Variants in FAF1 observed in about 807,000 individuals in gnomAD.
FAF1 encodes FAS-associated factor 1.
In FAF1, 25 loss-of-function variants were observed where a neutral mutation model predicts 92.5. That is an observed-to-expected ratio of 0.27 (90% confidence interval 0.20 to 0.38). The LOEUF (loss-of-function observed/expected upper bound fraction) is 0.38. Ranked by LOEUF, FAF1 falls within the 10% of genes least tolerant of loss-of-function variation. FAF1 has a pLI of 1.00. For synonymous variants in FAF1, 234 were observed against 273.2 expected, an observed-to-expected ratio of 0.86 and a Z score of 1.42; for missense variants, 636 against 793.3, an observed-to-expected ratio of 0.80 and a Z score of 2.38.
chr1:50,807,356 G>C (rs1662245525), intron 2 of FAF1, among the ~76,000 whole-genome samples: 1 of 152,208 alleles, frequency 6.6e-6, no homozygotes, highest in African/African-American at 2.4e-5. Context: ...AGGCATGGCT[G>C]GGAAGTCCTC....
intron 6 of FAF1, among the ~76,000 whole-genome samples, chr1:50,713,172 A>C (rs1483193756): frequency 6.6e-6 from 1 of 151,128 alleles, no homozygotes; most frequent in Non-Finnish European, 1.5e-5. Flanking sequence ...AAAAAAAAAA[A>C]AAAAAAGTTC....
intron 1 of FAF1, among the ~76,000 whole-genome samples, chr1:50,948,365 C>T (rs748943593): frequency 4.6e-5 from 7 of 152,132 alleles, no homozygotes; most frequent in Non-Finnish European, 1.0e-4. Context: ...ATGGTGCCAG[C>T]ATCCGCTAGC....
In FAF1 at chr1:50,437,744, C is replaced by G. The variant is rs900777567; in HGVS notation, c.*3696G>C. On this transcript the variant is annotated 3_prime_UTR_variant, in exon 19 of 19. Transcript: ENST00000396153. ...AATATAAAATTTAGAGATTCTTGGC[C>G]GGGCGCCGTGGCTCACGCCTGTAAC... The G allele has an allele frequency of 2.0e-5, 3 of 151,860 alleles. No homozygotes were observed. The highest frequency in any genetic ancestry group is 7.3e-5 in the African/African-American group (3 of 41,310). The allele number at this position is 151,860 out of a possible 1,614,324, so 9.4% of individuals were successfully genotyped here.
At chr1:50,757,269 T>C (rs1451853873) in intron 4 of FAF1, among the ~76,000 whole-genome samples, 3 of 152,244 alleles carry the variant, frequency 2.0e-5, no homozygotes, top group Non-Finnish European at 4.4e-5. Context: ...TTCTATGCTG[T>C]TCAGATTTTT....
chr1:50,663,102 CA>C (rs1196915866), intron 7 of FAF1, among the ~76,000 whole-genome samples: 1 of 151,358 alleles, frequency 6.6e-6, no homozygotes, highest in Non-Finnish European at 1.5e-5. Flanking sequence ...ACATATTTCA[CA>C]AATTAAAAAG....
At chr1:50,713,155 CAAAAA>C (rs371395514) in intron 6 of FAF1, among the ~76,000 whole-genome samples, 1 of 46,530 alleles carries the variant, frequency 2.1e-5, no homozygotes, top group Non-Finnish European at 4.2e-5. Flanking sequence ...GCCAGACCCT[CAAAAA>C]AAAAAAAAAA....
intron 2 of FAF1, among the ~76,000 whole-genome samples, chr1:50,849,834 G>A (rs1230415077): frequency 6.6e-6 from 1 of 152,168 alleles, no homozygotes; most frequent in Admixed American, 6.5e-5. Context: ...ACTAGTCATG[G>A]CTTTATTAAA....
intron 14 of FAF1, among the ~76,000 whole-genome samples, chr1:50,536,598 C>G (rs757168651): frequency 1.1e-4 from 17 of 152,124 alleles, no homozygotes; most frequent in Non-Finnish European, 2.2e-4. Flanking sequence ...AAGAAATGAT[C>G]TAATTTGTTC....
At chr1:50,666,657 C>T (rs897423147) in intron 7 of FAF1, among the ~76,000 whole-genome samples, 1 of 152,036 alleles carries the variant, frequency 6.6e-6, no homozygotes, top group Admixed American at 6.6e-5. Context: ...CTGAGGTGGG[C>T]GGATCACCTG....
chr1:50,841,973 T>C (rs896265707), intron 2 of FAF1, among the ~76,000 whole-genome samples: 4 of 152,090 alleles, frequency 2.6e-5, no homozygotes, highest in African/African-American at 9.6e-5. Flanking sequence ...GCTGGATCAT[T>C]ACATTTCCAA....
chr1:50,549,513 C>T (rs1649195362), intron 13 of FAF1, among the ~76,000 whole-genome samples: 1 of 152,076 alleles, frequency 6.6e-6, no homozygotes, highest in South Asian at 2.1e-4. Context: ...GGCATGGTGG[C>T]TCACGACTGT....
At chr1:50,570,860 C>T (rs2149058817) in intron 12 of FAF1, among the ~76,000 whole-genome samples, 1 of 152,174 alleles carries the variant, frequency 6.6e-6, no homozygotes, top group African/African-American at 2.4e-5. Context: ...TAAGCACAGG[C>T]CAAAAGAGTG....
chr1:50,540,847 C>CAA, intron 13 of FAF1, among the ~76,000 whole-genome samples: 1 of 152,182 alleles, frequency 6.6e-6, no homozygotes, highest in South Asian at 2.1e-4. Flanking sequence ...TCACAAAAGG[C>CAA]AAAACAGTGG....
intron 15 of FAF1, among the ~76,000 whole-genome samples, chr1:50,498,351 C>T (rs1232453939): frequency 6.6e-6 from 1 of 151,814 alleles, no homozygotes; most frequent in African/African-American, 2.4e-5. Flanking sequence ...ATGGATTAGG[C>T]AATGATTTCT....
At position 50,919,053 on chromosome 1, in the gene FAF1, T is replaced by TA. The variant is rs1206012128; in HGVS notation, c.45+40713dup. Among the ~76,000 whole-genome samples the TA allele has an allele frequency of 2.0e-5, 3 of 152,194 alleles. No individual in the cohort carries two copies. In the East Asian group the frequency reaches 5.8e-4, roughly 29 times the overall value. On this transcript the variant is annotated intron_variant, in intron 1 of 18. Coordinates refer to ENST00000396153, the MANE Select transcript of FAF1 (RefSeq NM_007051.3). Reference sequence around the variant, plus strand: ...CTTTTACTCATCAATAAAGGCAGAATAAAAAAATTATGAAGTGTCAGGAAT... The same window carrying TA: ...CTTTTACTCATCAATAAAGGCAGAATAAAAAAAATTATGAAGTGTCAGGAAT...
chr1:50,641,535 A>G (rs1425669799), intron 8 of FAF1, among the ~76,000 whole-genome samples: 3 of 152,152 alleles, frequency 2.0e-5, no homozygotes, highest in African/African-American at 7.2e-5. Context: ...ATGTTTGGTT[A>G]GTGATAATAT....
At chr1:50,916,225 T>C (rs1047046521) in intron 1 of FAF1, among the ~76,000 whole-genome samples, 2 of 152,202 alleles carry the variant, frequency 1.3e-5, no homozygotes, top group African/African-American at 2.4e-5. Context: ...CTATTTACTG[T>C]TGATATTATT....
intron 8 of FAF1, among the ~76,000 whole-genome samples, chr1:50,630,133 C>A (rs945587100): frequency 6.6e-6 from 1 of 151,786 alleles, no homozygotes; most frequent in African/African-American, 2.4e-5. Context: ...AAATATTGTT[C>A]CTGTTACTAA....
intron 8 of FAF1, among the ~76,000 whole-genome samples, chr1:50,615,563 ATTTTGTCTGG>A (rs1432373222): frequency 6.6e-6 from 1 of 152,014 alleles, no homozygotes; most frequent in African/African-American, 2.4e-5. Flanking sequence ...TAATATAGTC[ATTTTGTCTGG>A]TGTGAGATGG....
Sources: allele counts gnomAD v4.1 joint callset (sites outside exome capture counted in the v4.1 genomes callset), GRCh38; gene constraint gnomAD v4.1.1; transcripts MANE v1.5; gene names NCBI Gene and HGNC (gene_info 2026-07-23, HGNC 2026-07-21).